Variants in CMIP observed in about 807,000 individuals in gnomAD.
CMIP encodes C-Maf-inducing protein.
CMIP carries 13 observed loss-of-function variants against 97.3 expected under a neutral mutation model. The observed-to-expected ratio is 0.13, with a 90% CI of 0.09 to 0.21. CMIP has a LOEUF of 0.21. Among genes scored for constraint, CMIP ranks in the 10% least tolerant of loss-of-function variants. The pLI is 1.00. For synonymous variants in CMIP, 538 were observed against 436.3 expected (o/e 1.23, Z -2.91); for missense variants, 847 against 1,024.9 (o/e 0.83, Z 2.37).
chr16:81,499,016 C>A (rs538999403), intron 1 of CMIP, among the ~76,000 whole-genome samples: 96 of 152,322 alleles, frequency 6.3e-4, no homozygotes, highest in African/African-American at 2.2e-3. Context: ...CCCCTATCAA[C>A]ACTAGGAGGT....
chr16:81,488,018 T>TTA (rs1461234016), intron 1 of CMIP, among the ~76,000 whole-genome samples: 2 of 152,162 alleles, frequency 1.3e-5, no homozygotes, highest in Non-Finnish European at 2.9e-5. Flanking sequence ...TTACTTTAAT[T>TTA]ATTATTTTAT....
At chr16:81,651,234 G>C (rs2092424947) in intron 3 of CMIP, 1 of 153,308 alleles carries the variant, frequency 6.5e-6, no homozygotes, top group Admixed American at 6.5e-5. Context: ...AAGCAGGCCG[G>C]GTGCATGGGG....
At chr16:81,702,793 C>T (rs546587455) in intron 17 of CMIP, 124 bp downstream of exon 17, 3 of 820,014 alleles carry the variant, frequency 3.7e-6, no homozygotes, top group Admixed American at 2.1e-5. Flanking sequence ...ACAAGGACCC[C>T]CTAGTACTTA....
At chr16:81,691,470 C>A (rs1906065872) in intron 10 of CMIP, among the ~76,000 whole-genome samples, 1 of 152,122 alleles carries the variant, frequency 6.6e-6, no homozygotes, top group African/African-American at 2.4e-5. Context: ...CCTAATGGTC[C>A]CAAAGAGGGC....
chr16:81,489,174 A>G (rs1343223075), intron 1 of CMIP, among the ~76,000 whole-genome samples: 2 of 152,110 alleles, frequency 1.3e-5, no homozygotes, highest in Non-Finnish European at 2.9e-5. Context: ...TGGCATGAGG[A>G]AAGGCGGGCA....
intron 1 of CMIP, among the ~76,000 whole-genome samples, chr16:81,558,222 C>T (rs1315241531): frequency 2.0e-5 from 3 of 152,186 alleles, no homozygotes; most frequent in Admixed American, 6.5e-5. Flanking sequence ...TTCCACCTCT[C>T]GGCCGTTAGA....
intron 10 of CMIP, among the ~76,000 whole-genome samples, chr16:81,686,566 G>T (rs540627908): frequency 1.3e-5 from 2 of 152,284 alleles, no homozygotes; most frequent in Non-Finnish European, 2.9e-5. Context: ...TGGCATCACT[G>T]TCAGGACTTA....
chr16:81,671,715 G>GGTTT (rs1445172419), intron 8 of CMIP, among the ~76,000 whole-genome samples: 1 of 152,182 alleles, frequency 6.6e-6, no homozygotes, highest in African/African-American at 2.4e-5. Context: ...GCCACTCAGG[G>GGTTT]GTTTGAACCC....
chr16:81,581,954 G>C (rs1356632197), intron 1 of CMIP, among the ~76,000 whole-genome samples: 2 of 152,198 alleles, frequency 1.3e-5, no homozygotes, highest in Non-Finnish European at 2.9e-5. Context: ...GGTTCTGCAG[G>C]CTGTGCAGAA....
intron 2 of CMIP, among the ~76,000 whole-genome samples, chr16:81,615,668 GTGTC>G (rs764923028): frequency 7.4e-5 from 11 of 148,698 alleles, no homozygotes; most frequent in African/African-American, 1.7e-4. Context: ...TGGTGTGTAT[GTGTC>G]TGTGTGTGTG....
rs145838954 is a variant in CMIP at position 81,452,043 on chromosome 16, G to A, written c.300+6502G>A. On this transcript the variant is annotated intron_variant, in intron 1 of 20. Transcript: ENST00000537098. ...GGAGGTGTTTGCTGTGTGTATTGAG[G>A]CAAAGGAGATGGCAGAGAAAATATT... Among the ~76,000 whole-genome samples the A allele has an allele frequency of 7.6e-3, 1,155 of 152,326 alleles. 59 individuals are homozygous for A. The highest frequency in any genetic ancestry group is 0.067 in the Admixed American group (1,026 of 15,314).
intron 3 of CMIP, among the ~76,000 whole-genome samples, chr16:81,622,817 T>C (rs1243171253): frequency 6.6e-6 from 1 of 152,196 alleles, no homozygotes; most frequent in Admixed American, 6.5e-5. Context: ...ATTGCACAGC[T>C]GCAAGGGGCA....
At chr16:81,601,684 C>CA (rs1278634225) in intron 1 of CMIP, among the ~76,000 whole-genome samples, 1 of 152,134 alleles carries the variant, frequency 6.6e-6, no homozygotes, top group Admixed American at 6.5e-5. Context: ...TCCCCGAGAG[C>CA]AAAAAGACAA....
intron 1 of CMIP, among the ~76,000 whole-genome samples, chr16:81,450,747 C>T (rs1906155722): frequency 6.6e-6 from 1 of 152,164 alleles, no homozygotes; most frequent in Admixed American, 6.5e-5. Context: ...GGGGCGTAGT[C>T]TAGTTTCTTA....
intron 1 of CMIP, among the ~76,000 whole-genome samples, chr16:81,604,700 A>C (rs1359011393): frequency 1.3e-5 from 2 of 152,144 alleles, no homozygotes; most frequent in Non-Finnish European, 2.9e-5. Flanking sequence ...ACTCCGTCTC[A>C]AACAAAACAA....
rs558606255 is a variant in CMIP, at chr16:81,452,885, G to GTTTTTTTTTTTTT, written c.300+7351_300+7363dup. On this transcript the variant is annotated intron_variant, in intron 1 of 20. Transcript: ENST00000537098. Reference sequence around the variant, plus strand: ...TTTTCTTTTGTTTTTTTTTTGTTTTGTTTTTTTTTTTTTTTTTTTGCAAAC... The same window carrying GTTTTTTTTTTTTT: ...TTTTCTTTTGTTTTTTTTTTGTTTTGTTTTTTTTTTTTTTTTTTTTTTTTTTTTTTTTGCAAAC... Among the ~76,000 whole-genome samples, 8 of 129,242 alleles carry GTTTTTTTTTTTTT rather than the reference G, an allele frequency of 6.2e-5. 1 individual carries two copies. Among genetic ancestry groups the GTTTTTTTTTTTTT allele is most frequent in the African/African-American group, 2.3e-4 (8 of 34,540 alleles). 84.8% of individuals were successfully genotyped at this position (129,242 alleles called of 152,430 possible).
intron 3 of CMIP, among the ~76,000 whole-genome samples, chr16:81,644,957 C>T (rs958757967): frequency 2.0e-5 from 3 of 152,182 alleles, no homozygotes; most frequent in Admixed American, 6.5e-5. Context: ...TGCTCCTGGG[C>T]CCGTGGGGAC....
chr16:81,612,163 T>C (rs970355717), intron 2 of CMIP, among the ~76,000 whole-genome samples: 1 of 152,120 alleles, frequency 6.6e-6, no homozygotes, highest in Admixed American at 6.5e-5. Flanking sequence ...TGGGATGGGG[T>C]AGCAGGCATT....
At chr16:81,656,068 G>A (rs553071687) in intron 4 of CMIP, among the ~76,000 whole-genome samples, 2 of 152,126 alleles carry the variant, frequency 1.3e-5, no homozygotes, top group South Asian at 2.1e-4. Context: ...GAAAAAAAGC[G>A]TGTTCAGATC....
Sources: allele counts gnomAD v4.1 joint callset (sites outside exome capture counted in the v4.1 genomes callset), GRCh38; gene constraint gnomAD v4.1.1; transcripts MANE v1.5; gene names NCBI Gene and HGNC (gene_info 2026-07-23, HGNC 2026-07-21).